Variants in SLC71A2 observed in about 807,000 individuals in gnomAD.
SLC71A2 encodes the protein hippocampus abundant transcript-like 1.
At chr9:94,437,487 C>G in the SLC71A2 span, among the ~76,000 whole-genome samples, 7 of 152,212 alleles carry the variant, frequency 4.6e-5, no homozygotes, top group African/African-American at 1.7e-4. Context: ...ATGTCAGACT[C>G]TCTTCCCCTT....
the SLC71A2 span, among the ~76,000 whole-genome samples, chr9:94,410,241 A>C: frequency 6.6e-6 from 1 of 151,660 alleles, no homozygotes; most frequent in South Asian, 2.1e-4. Flanking sequence ...TACTACAGAC[A>C]CATGTCACCA....
At chr9:94,419,829 G>C in the SLC71A2 span, among the ~76,000 whole-genome samples, 1 of 152,278 alleles carries the variant, frequency 6.6e-6, no homozygotes, top group Non-Finnish European at 1.5e-5. Context: ...AGTCTCTACA[G>C]TATGCAGCTG....
chr9:94,399,835 C>G, the SLC71A2 span, among the ~76,000 whole-genome samples: 4 of 144,704 alleles, frequency 2.8e-5, no homozygotes, highest in African/African-American at 1.0e-4. Context: ...GATGGAGTTT[C>G]GCTTTTGTTG....
the SLC71A2 span, among the ~76,000 whole-genome samples, chr9:94,377,553 T>A: frequency 0.21 from 27,833 of 131,924 alleles, 3,152 homozygotes; most frequent in African/African-American, 0.31. Flanking sequence ...TTTTTTTTTT[T>A]AATTTATTTT....
chr9:94,439,272 GCTGGGATTACAGGCGTGAGCCACAGT>G, the SLC71A2 span, among the ~76,000 whole-genome samples: 402 of 151,362 alleles, frequency 2.7e-3, 1 homozygote, highest in African/African-American at 9.3e-3. Context: ...CTCCCAAAGT[GCTGGGATTACAGGCGTGAGCCACAGT>G]GCGCAGCCCA....
the SLC71A2 span, among the ~76,000 whole-genome samples, chr9:94,407,576 A>C: frequency 6.6e-6 from 1 of 152,168 alleles, no homozygotes; most frequent in African/African-American, 2.4e-5. Flanking sequence ...GCATGGTTTC[A>C]CTATGTTGGC....
chr9:94,453,175 A>G, the SLC71A2 span, among the ~76,000 whole-genome samples: 265 of 132,690 alleles, frequency 2.0e-3, no homozygotes, highest in Admixed American at 6.2e-3. Context: ...TTTGACACGG[A>G]GTCTCGCTCT....
the SLC71A2 span, among the ~76,000 whole-genome samples, chr9:94,442,879 T>C: frequency 6.7e-6 from 1 of 148,816 alleles, no homozygotes; most frequent in Non-Finnish European, 1.5e-5. Flanking sequence ...CTCCAAAAAT[T>C]AACAACCTCC....
chr9:94,415,533 A>G, the SLC71A2 span, among the ~76,000 whole-genome samples: 118 of 152,270 alleles, frequency 7.7e-4, no homozygotes, highest in African/African-American at 2.6e-3. Context: ...GATCCTTAAG[A>G]TACTCTACAG....
the SLC71A2 span, among the ~76,000 whole-genome samples, chr9:94,442,367 C>G: frequency 2.6e-5 from 4 of 152,074 alleles, no homozygotes; most frequent in Admixed American, 6.6e-5. Flanking sequence ...CTCTTTCAAC[C>G]CCACTTCCCT....
the SLC71A2 span, among the ~76,000 whole-genome samples, chr9:94,379,934 C>G: frequency 6.6e-6 from 1 of 152,246 alleles, no homozygotes; most frequent in South Asian, 2.1e-4. Context: ...GCTGTATACA[C>G]GTAAACATGC....
At chr9:94,391,316 T>A in the SLC71A2 span, among the ~76,000 whole-genome samples, 1 of 147,232 alleles carries the variant, frequency 6.8e-6, no homozygotes, top group Non-Finnish European at 1.5e-5. Context: ...TGAGCTGTGA[T>A]CAGGCCACTG....
chr9:94,378,734 G>C, the SLC71A2 span, among the ~76,000 whole-genome samples: 1 of 152,144 alleles, frequency 6.6e-6, no homozygotes, highest in Non-Finnish European at 1.5e-5. Flanking sequence ...GCTGCCACTA[G>C]ACCCCACCTC....
chr9:94,384,329 A>G, the SLC71A2 span, among the ~76,000 whole-genome samples: 1 of 146,466 alleles, frequency 6.8e-6, no homozygotes, highest in Admixed American at 6.9e-5. Context: ...CCGTGTGTCA[A>G]ATTTTCCTTT....
the SLC71A2 span, among the ~76,000 whole-genome samples, chr9:94,429,644 C>T: frequency 6.6e-6 from 1 of 151,900 alleles, no homozygotes; most frequent in Admixed American, 6.6e-5. Flanking sequence ...TAACACTGGC[C>T]ATGGCTTTGT....
chr9:94,388,410 C>CT, the SLC71A2 span, among the ~76,000 whole-genome samples: 1 of 152,172 alleles, frequency 6.6e-6, no homozygotes, highest in African/African-American at 2.4e-5. Context: ...CTTCAAGGAA[C>CT]TTACTGTAAG....
chr9:94,388,967 TCG>T, the SLC71A2 span, among the ~76,000 whole-genome samples: 1 of 152,308 alleles, frequency 6.6e-6, no homozygotes, highest in Non-Finnish European at 1.5e-5. Context: ...CTTCCGTCCT[TCG>T]CCTCATTGCC....
chr9:94,388,174 T>G, the SLC71A2 span, among the ~76,000 whole-genome samples: 1 of 152,184 alleles, frequency 6.6e-6, no homozygotes, highest in African/African-American at 2.4e-5. Flanking sequence ...AAATTATTAG[T>G]CAGCCAGATA....
the SLC71A2 span, among the ~76,000 whole-genome samples, chr9:94,443,505 G>A: frequency 2.6e-5 from 4 of 151,616 alleles, no homozygotes; most frequent in Non-Finnish European, 5.9e-5. Flanking sequence ...TCAGGGCTAC[G>A]GCAATGATTA....
Sources: allele counts gnomAD v4.1 joint callset (sites outside exome capture counted in the v4.1 genomes callset), GRCh38; gene constraint gnomAD v4.1.1; transcripts MANE v1.5; gene names NCBI Gene and HGNC (gene_info 2026-07-23, HGNC 2026-07-21).